The following ATRNL1 variants were observed in gnomAD, a reference collection of about 807,000 sequenced individuals.
ATRNL1 encodes the protein attractin-like protein 1.
ATRNL1 carries 95 observed loss-of-function variants against 182.7 expected under a neutral mutation model. That is an observed-to-expected ratio of 0.52 (90% CI 0.44 to 0.62). ATRNL1 has a LOEUF of 0.62. ATRNL1 is among the 20% of genes least tolerant of loss of function. The pLI is 0.00. For missense variants in ATRNL1, 1,471 were observed against 1,679.5 expected (o/e 0.88, Z 2.17); for synonymous variants, 576 against 568.3 (o/e 1.01, Z -0.19).
intron 8 of ATRNL1, among the ~76,000 whole-genome samples, chr10:115,175,008 A>G (rs371175604): frequency 1.3e-5 from 2 of 152,114 alleles, no homozygotes; most frequent in African/African-American, 4.8e-5. Context: ...TCCACGGAGC[A>G]TATTTTTAAA....
At chr10:115,830,944 CAG>C (rs141020435) in intron 27 of ATRNL1, among the ~76,000 whole-genome samples, 16,824 of 152,158 alleles carry the variant, frequency 0.11, 2,874 homozygotes, top group African/African-American at 0.37. Context: ...CTTTACAACA[CAG>C]AGCAGGCCTT....
At chr10:115,096,408 C>T (rs1260952925) in intron 1 of ATRNL1, among the ~76,000 whole-genome samples, 1 of 151,988 alleles carries the variant, frequency 6.6e-6, no homozygotes, top group Admixed American at 6.6e-5. Context: ...GCAAATAAAC[C>T]TATGAAAGGT....
chr10:115,625,112 T>C (rs1592967229), intron 26 of ATRNL1, among the ~76,000 whole-genome samples: 1 of 152,050 alleles, frequency 6.6e-6, no homozygotes, highest in South Asian at 2.1e-4. Context: ...CCAAATAAGA[T>C]ATTGGGTTTT....
In ATRNL1 at chr10:115,786,829, A is replaced by G. The variant is rs1294002947; in HGVS notation, c.3903+59474A>G. 2.0e-5 allele frequency among the ~76,000 whole-genome samples: 3 copies of G among 152,088 alleles called. No individual in the cohort carries two copies. In the East Asian group the frequency reaches 5.8e-4, roughly 29 times the overall value. Reference sequence around the variant, plus strand: ...TTATTTGACCTACTATCTGCATTCTATTTCTTTTCAAAATGTGTTTCTTAT... The same window carrying G: ...TTATTTGACCTACTATCTGCATTCTGTTTCTTTTCAAAATGTGTTTCTTAT... On this transcript the variant is annotated intron_variant, in intron 27 of 28. Transcript: ENST00000355044.
At chr10:115,758,836 C>G (rs1555072757) in intron 27 of ATRNL1, among the ~76,000 whole-genome samples, 3 of 152,246 alleles carry the variant, frequency 2.0e-5, no homozygotes, top group African/African-American at 7.2e-5. Context: ...CCCGCCTACT[C>G]AAGCCTCAGC....
intron 26 of ATRNL1, among the ~76,000 whole-genome samples, chr10:115,584,379 T>C (rs1266027086): frequency 6.2e-5 from 8 of 128,664 alleles, no homozygotes; most frequent in Non-Finnish European, 1.2e-4. Context: ...CATCTGGTCC[T>C]AGACTCTTTT....
chr10:115,736,248 G>A (rs928967600), intron 27 of ATRNL1, among the ~76,000 whole-genome samples: 10 of 151,850 alleles, frequency 6.6e-5, no homozygotes, highest in Non-Finnish European at 8.8e-5. Context: ...GGCTTATTCC[G>A]AACATTGTTC....
At chr10:115,144,542 C>T (rs562757060) in intron 5 of ATRNL1, among the ~76,000 whole-genome samples, 137 of 152,272 alleles carry the variant, frequency 9.0e-4, no homozygotes, top group African/African-American at 3.2e-3. Context: ...GTCTGCCCGC[C>T]TTAGCCGCCC....
intron 28 of ATRNL1, among the ~76,000 whole-genome samples, chr10:115,877,659 A>G (rs782571596): frequency 1.3e-5 from 2 of 152,238 alleles, no homozygotes; most frequent in Non-Finnish European, 2.9e-5. Flanking sequence ...GAACAAAAGC[A>G]TTGTTTGGCA....
intron 18 of ATRNL1, among the ~76,000 whole-genome samples, chr10:115,331,373 C>T (rs1039386953): frequency 6.6e-5 from 10 of 152,010 alleles, no homozygotes; most frequent in African/African-American, 2.4e-4. Context: ...CTGCATTTTT[C>T]CTTTCATTTA....
At chr10:115,827,743 A>G (rs965325537) in intron 27 of ATRNL1, among the ~76,000 whole-genome samples, 1 of 152,182 alleles carries the variant, frequency 6.6e-6, no homozygotes, top group South Asian at 2.1e-4. Context: ...TAGGTAAGAG[A>G]TGACATATGA....
intron 20 of ATRNL1, among the ~76,000 whole-genome samples, chr10:115,412,267 A>G (rs529777865): frequency 6.6e-6 from 1 of 152,286 alleles, no homozygotes; most frequent in Admixed American, 6.5e-5. Flanking sequence ...TATAGTGGTA[A>G]GGAAATAAAT....
chr10:115,596,650 A>G (rs1856261584), intron 26 of ATRNL1, among the ~76,000 whole-genome samples: 1 of 152,206 alleles, frequency 6.6e-6, no homozygotes, highest in African/African-American at 2.4e-5. Context: ...GGAACTGGCT[A>G]AAAGGTAGAG....
chr10:115,772,821 A>G (rs1174531142), intron 27 of ATRNL1, among the ~76,000 whole-genome samples: 5 of 152,244 alleles, frequency 3.3e-5, no homozygotes, highest in Middle Eastern at 3.4e-3. Context: ...TTTGACTGAC[A>G]TTTTTGCAGG....
At chr10:115,788,029 A>G (rs1949437869) in intron 27 of ATRNL1, among the ~76,000 whole-genome samples, 2 of 152,206 alleles carry the variant, frequency 1.3e-5, no homozygotes, top group Non-Finnish European at 2.9e-5. Flanking sequence ...AAATTTGTGT[A>G]ATCTGTTACA....
chr10:115,923,027 T>G (rs988939763), intron 28 of ATRNL1, among the ~76,000 whole-genome samples: 3 of 152,158 alleles, frequency 2.0e-5, no homozygotes, highest in Admixed American at 6.5e-5. Flanking sequence ...CAACGTAATG[T>G]ATGCATCTCA....
chr10:115,125,608 T>C (rs1420175137), intron 3 of ATRNL1, among the ~76,000 whole-genome samples: 1 of 152,092 alleles, frequency 6.6e-6, no homozygotes, highest in Non-Finnish European at 1.5e-5. Context: ...TTGCAGAGAC[T>C]ACCTGGGGAC....
chr10:115,798,139 G>A (rs1362948731), intron 27 of ATRNL1, among the ~76,000 whole-genome samples: 1 of 151,980 alleles, frequency 6.6e-6, no homozygotes, highest in African/African-American at 2.4e-5. Context: ...GGATGGTCTC[G>A]ATCTCCTGAC....
intron 20 of ATRNL1, among the ~76,000 whole-genome samples, chr10:115,411,190 ATATT>A (rs1845122761): frequency 6.6e-6 from 1 of 150,888 alleles, no homozygotes; most frequent in East Asian, 1.9e-4. Flanking sequence ...GTATATGTAT[ATATT>A]TAAACATTTG....
Sources: gnomAD v4.1 joint callset for allele counts (sites outside exome capture counted in the v4.1 genomes callset) on GRCh38, gnomAD v4.1.1 for gene constraint, MANE v1.5 for transcripts, NCBI Gene and HGNC (gene_info 2026-07-23, HGNC 2026-07-21) for gene names.